The following TMPRSS15 variants were observed in gnomAD, a reference collection of about 807,000 sequenced individuals.
TMPRSS15 encodes enteropeptidase.
Under a neutral mutation model 125.3 loss-of-function variants are expected in TMPRSS15, and 128 were observed. The ratio of observed to expected loss-of-function variants is 1.02; its 90% CI spans 0.89 to 1.18. The LOEUF (loss-of-function observed/expected upper bound fraction) is 1.18. Ranked by LOEUF, TMPRSS15 falls within the 50% of genes most tolerant of loss-of-function variation. The pLI is 0.00. For synonymous variants in TMPRSS15, 446 were observed against 423.2 expected (o/e 1.05, Z -0.66); for missense variants, 1,283 against 1,212.7 (o/e 1.06, Z -0.86).
At chr21:18,300,790 A>C (rs932454055) in intron 18 of TMPRSS15, among the ~76,000 whole-genome samples, 1 of 133,670 alleles carries the variant, frequency 7.5e-6, no homozygotes, top group Non-Finnish European at 1.7e-5. Context: ...TAGGATTGAC[A>C]GTGATTTTTT....
At chr21:18,415,316 A>G (rs1419589129) in intron 1 of TMPRSS15, among the ~76,000 whole-genome samples, 3 of 152,056 alleles carry the variant, frequency 2.0e-5, no homozygotes, top group Non-Finnish European at 2.9e-5. Flanking sequence ...TTGCCTTTCA[A>G]TCTGTTGCTT....
At chr21:18,394,737 A>G (rs919573798) in intron 3 of TMPRSS15, among the ~76,000 whole-genome samples, 4 of 152,140 alleles carry the variant, frequency 2.6e-5, no homozygotes, top group African/African-American at 9.7e-5. Context: ...CTACTAAATT[A>G]TAACAGTATT....
chr21:18,380,140 C>T (rs112058274), intron 4 of TMPRSS15, among the ~76,000 whole-genome samples: 20 of 147,546 alleles, frequency 1.4e-4, no homozygotes, highest in African/African-American at 4.7e-4. Context: ...ACCAAGGCAC[C>T]ATGATTTGGA....
intron 1 of TMPRSS15, among the ~76,000 whole-genome samples, chr21:18,412,723 CCTG>C (rs1002437186): frequency 3.3e-5 from 5 of 151,474 alleles, no homozygotes; most frequent in Non-Finnish European, 7.4e-5. Flanking sequence ...GTCTAGTAAC[CCTG>C]CTGCTGCTGC....
At position 18,294,413 on chromosome 21, in the gene TMPRSS15, G is replaced by C. The variant is rs1449379180; in HGVS notation, c.2343C>G (p.Ile781Met). 1 of 1,614,242 alleles carries C rather than the reference G, an allele frequency of 6.2e-7. No homozygotes were observed. The highest frequency in any genetic ancestry group is 8.5e-7 in the Non-Finnish European group (1 of 1,180,030). Residue 781 changes from isoleucine (I) to methionine (M), a missense_variant, in exon 21 of 25, where the codon ATC becomes ATG. Physicochemically the swap from Ile to Met is conservative, Grantham distance 10. Coordinates refer to ENST00000284885, the MANE Select transcript of TMPRSS15 (RefSeq NM_002772.3). ...SCGKKLAAQD[I>M]TPKIVGGSNA... ...TACTTCCTCCAACAATCTTTGGGGT[G>C]ATGTCTTGAGCTGCCAGTTTTTTTC...
intron 1 of TMPRSS15, among the ~76,000 whole-genome samples, chr21:18,417,971 C>CA (rs1174656885): frequency 6.6e-6 from 1 of 152,050 alleles, no homozygotes; most frequent in African/African-American, 2.4e-5. Context: ...GGAATTTGTT[C>CA]AAAAAAATGT....
chr21:18,427,708 G>C (rs2076206274), intron 1 of TMPRSS15, among the ~76,000 whole-genome samples: 1 of 152,154 alleles, frequency 6.6e-6, no homozygotes, highest in Admixed American at 6.5e-5. Flanking sequence ...AACCAGGAAA[G>C]TGTTTCTCTA....
At chr21:18,337,222 G>C (rs1373205132) in intron 13 of TMPRSS15, among the ~76,000 whole-genome samples, 1 of 152,132 alleles carries the variant, frequency 6.6e-6, no homozygotes, top group African/African-American at 2.4e-5. Context: ...TTTACATTTG[G>C]AAGTAGAAAA....
intron 1 of TMPRSS15, among the ~76,000 whole-genome samples, chr21:18,417,063 A>T (rs1338183619): frequency 6.6e-6 from 1 of 152,098 alleles, no homozygotes; most frequent in Non-Finnish European, 1.5e-5. Flanking sequence ...TGAATATCAA[A>T]CCAACTATAA....
rs193089728 is a variant in TMPRSS15, at chr21:18,481,298, T to A, written c.10+4501A>T. Among the ~76,000 whole-genome samples, 5 of 151,962 alleles carry A rather than the reference T, an allele frequency of 3.3e-5. No individual in the cohort carries two copies. The South Asian group carries it at 1.0e-3, about 32-fold the overall frequency. On this transcript the variant is annotated intron_variant, in intron 1 of 7. Transcript: ENST00000422787. ...AAATTACTGGCTTTGACTGCCTCAA[T>A]TGAGTGTTGTCAGGATAAAATAGAA...
intron 7 of TMPRSS15, among the ~76,000 whole-genome samples, chr21:18,364,021 A>C (rs1163858621): frequency 1.3e-5 from 2 of 152,156 alleles, no homozygotes; most frequent in African/African-American, 2.4e-5. Flanking sequence ...AAGTGTGTAT[A>C]GAACAATCTT....
chr21:18,357,483 C>T (rs1169874696), intron 8 of TMPRSS15, among the ~76,000 whole-genome samples: 2 of 151,762 alleles, frequency 1.3e-5, no homozygotes, highest in African/African-American at 4.8e-5. Context: ...TAATTCCTTA[C>T]ATTGTCTCTA....
At chr21:18,429,437 A>G (rs556001877) in intron 1 of TMPRSS15, among the ~76,000 whole-genome samples, 2 of 152,274 alleles carry the variant, frequency 1.3e-5, no homozygotes, top group Non-Finnish European at 1.5e-5. Context: ...CCCAAATCTC[A>G]TCTTGAATTA....
chr21:18,271,666 G>T (rs2074558462), intron 24 of TMPRSS15, among the ~76,000 whole-genome samples: 1 of 151,822 alleles, frequency 6.6e-6, no homozygotes, highest in African/African-American at 2.4e-5. Flanking sequence ...TTGTTACATA[G>T]GTATACGTGT....
intron 10 of TMPRSS15, among the ~76,000 whole-genome samples, chr21:18,350,097 A>T (rs1024452355): frequency 1.3e-5 from 2 of 151,472 alleles, no homozygotes; most frequent in Non-Finnish European, 2.9e-5. Context: ...CAGTAAAGAG[A>T]AAAAAAAAGA....
intron 13 of TMPRSS15, among the ~76,000 whole-genome samples, chr21:18,338,151 T>C (rs983757561): frequency 1.4e-4 from 21 of 152,114 alleles, no homozygotes; most frequent in African/African-American, 4.8e-4. Flanking sequence ...ACTTAAGAAA[T>C]CATATTTAAA....
chr21:18,394,251 G>A (rs896139294), intron 3 of TMPRSS15, among the ~76,000 whole-genome samples: 1 of 152,116 alleles, frequency 6.6e-6, no homozygotes, highest in African/African-American at 2.4e-5. Context: ...TTCAAAGCAT[G>A]CTGTATCTCT....
intron 1 of TMPRSS15, among the ~76,000 whole-genome samples, chr21:18,442,763 C>T (rs1318200818): frequency 6.6e-6 from 1 of 152,156 alleles, no homozygotes. Context: ...TAAAATATTT[C>T]CTCAAACTTT....
chr21:18,402,338 G>A (rs891930769), intron 1 of TMPRSS15, among the ~76,000 whole-genome samples: 1 of 151,922 alleles, frequency 6.6e-6, no homozygotes. Context: ...AGACCATCCT[G>A]GCCAACATGG....
Sources: gnomAD v4.1 joint callset for allele counts (sites outside exome capture counted in the v4.1 genomes callset) on GRCh38, gnomAD v4.1.1 for gene constraint, MANE v1.5 for transcripts, NCBI Gene and HGNC (gene_info 2026-07-23, HGNC 2026-07-21) for gene names.